The following ASH1L variants were observed in gnomAD, a reference collection of about 807,000 sequenced individuals.
ASH1L encodes the protein ASH1 like histone lysine methyltransferase, also known as histone-lysine N-methyltransferase ASH1L.
ASH1L carries 23 observed loss-of-function variants against 269.0 expected under a neutral mutation model. That is an observed-to-expected ratio of 0.09 (90% CI 0.06 to 0.12). The LOEUF is 0.12. Ranked by LOEUF, ASH1L falls within the 10% of genes least tolerant of loss-of-function variation. The probability of loss-of-function intolerance (pLI) is 1.00; values close to 1 mark genes in which losing one functional copy is unlikely to be tolerated. For missense variants in ASH1L, 2,912 were observed against 3,567.8 expected, an observed-to-expected ratio of 0.82 and a Z score of 4.68; for synonymous variants, 1,187 against 1,253.5, an observed-to-expected ratio of 0.95 and a Z score of 1.12.
chr1:155,424,230 G>C (rs987686268), intron 5 of ASH1L, among the ~76,000 whole-genome samples: 2 of 152,112 alleles, frequency 1.3e-5, no homozygotes, highest in African/African-American at 4.8e-5. Flanking sequence ...GAGAAATAAA[G>C]AACTTCAAGA....
intron 7 of ASH1L, among the ~76,000 whole-genome samples, chr1:155,380,613 T>C (rs1324282155): frequency 6.6e-6 from 1 of 152,052 alleles, no homozygotes; most frequent in African/African-American, 2.4e-5. Flanking sequence ...ATAAAATTAT[T>C]CAGCCTTAAA....
At chr1:155,363,002 A>G (rs1655096494) in intron 12 of ASH1L, among the ~76,000 whole-genome samples, 1 of 152,010 alleles carries the variant, frequency 6.6e-6, no homozygotes. Context: ...TTATTTTTTG[A>G]AATGGAGTTT....
At chr1:155,398,480 AAGAT>A (rs1246689754) in intron 6 of ASH1L, among the ~76,000 whole-genome samples, 2 of 152,174 alleles carry the variant, frequency 1.3e-5, no homozygotes, top group Non-Finnish European at 2.9e-5. Context: ...AAACATAAGA[AAGAT>A]AGAGTAAAAA....
chr1:155,442,157 A>C (rs1662634866), intron 4 of ASH1L, among the ~76,000 whole-genome samples: 1 of 152,140 alleles, frequency 6.6e-6, no homozygotes, highest in Non-Finnish European at 1.5e-5. Flanking sequence ...ATGATAACTG[A>C]TTATTACTGT....
In ASH1L at chr1:155,427,124, CTGATA is replaced by C. The variant is rs1284979436; in HGVS notation, c.5828+11198_5828+11202del. Among the ~76,000 whole-genome samples the C allele has an allele frequency of 7.1e-5, 10 of 141,776 alleles. No individual in the cohort carries two copies. The East Asian group carries it at 1.5e-3, about 21-fold the overall frequency. The allele number at this position is 141,776 out of a possible 152,430, so 93.0% of individuals were successfully genotyped here. A position where few individuals can be genotyped will look rare whatever the true frequency, so the allele number is the denominator to read the frequency against. ...GTAATTACCTTTCCAGGTATATACTCTGATATAATTTTTTTTTTTTTTTTTTTTGA... is the reference window on the plus strand; with the variant it reads ...GTAATTACCTTTCCAGGTATATACTCTAATTTTTTTTTTTTTTTTTTTTGA... On this transcript the variant is annotated intron_variant, in intron 5 of 27. Coordinates refer to ENST00000392403, the MANE Select transcript of ASH1L (RefSeq NM_018489.3).
intron 2 of ASH1L, among the ~76,000 whole-genome samples, chr1:155,483,644 T>G (rs1666107986): frequency 6.6e-6 from 1 of 151,594 alleles, no homozygotes; most frequent in African/African-American, 2.4e-5. Context: ...ACTTTGAGGG[T>G]CTACCCAAGA....
In ASH1L at chr1:155,557,522, C is replaced by T. The variant is rs548059295; in HGVS notation, c.-100+4631G>A. On this transcript the variant is annotated intron_variant, in intron 1 of 27. Transcript: ENST00000392403. ...GTCTCGTTCTCCTGACCTTGTGATC[C>T]GCCCACCTCGGCCTCCCAAAGTGCT... Among the ~76,000 whole-genome samples, 10 of 151,870 alleles carry T rather than the reference C, an allele frequency of 6.6e-5. No individual in the cohort carries two copies. In the East Asian group the frequency reaches 9.7e-4, roughly 15 times the overall value.
chr1:155,522,128 C>T (rs539246316), intron 1 of ASH1L, among the ~76,000 whole-genome samples: 1 of 152,262 alleles, frequency 6.6e-6, no homozygotes, highest in South Asian at 2.1e-4. Flanking sequence ...ACGCTATGTA[C>T]CTATAAAAAT....
chr1:155,489,582 C>A (rs1005486749), intron 2 of ASH1L, among the ~76,000 whole-genome samples: 8 of 151,164 alleles, frequency 5.3e-5, no homozygotes, highest in African/African-American at 1.7e-4. Context: ...CACAGTGAAA[C>A]CCCGTCTTTA....
chr1:155,344,886 C>T (rs962062786), intron 21 of ASH1L, among the ~76,000 whole-genome samples: 4 of 152,106 alleles, frequency 2.6e-5, no homozygotes, highest in Non-Finnish European at 5.9e-5. Flanking sequence ...ACATAAATGA[C>T]GTTAAGGGTA....
At chr1:155,351,850 CAAA>C (rs1206899040) in intron 17 of ASH1L, among the ~76,000 whole-genome samples, 2 of 124,638 alleles carry the variant, frequency 1.6e-5, no homozygotes. Flanking sequence ...GACTTTGTCT[CAAA>C]AAAAAAAAAG....
intron 17 of ASH1L, among the ~76,000 whole-genome samples, chr1:155,352,502 G>T (rs2148353688): frequency 6.6e-6 from 1 of 151,246 alleles, no homozygotes; most frequent in East Asian, 2.0e-4. Context: ...GACAGAAAAA[G>T]AAATGAAAAA....
intron 1 of ASH1L, among the ~76,000 whole-genome samples, chr1:155,554,980 T>C (rs1307098825): frequency 6.6e-6 from 1 of 151,074 alleles, no homozygotes; most frequent in Non-Finnish European, 1.5e-5. Flanking sequence ...CCATCTCTAC[T>C]AAAAATACAA....
rs113993237 is a variant in ASH1L at position 155,523,860 on chromosome 1, G to GA, written c.-99-2243dup. On this transcript the variant is annotated intron_variant, in intron 1 of 27. Transcript: ENST00000392403. ...CACTCCAGGCCAGGTGACAGAGCAA[G>GA]AAAAAAAAAGGTGCCAATAATTTAG... 7.3e-3 allele frequency among the ~76,000 whole-genome samples: 1,100 copies of GA among 150,372 alleles called. 10 individuals carry two copies. Among genetic ancestry groups the GA allele is most frequent in the African/African-American group, 0.025 (1,030 of 41,072 alleles).
intron 16 of ASH1L, 150 bp from the exon 17 acceptor site, chr1:155,353,008 G>A: frequency 1.5e-6 from 1 of 688,754 alleles, no homozygotes; most frequent in Non-Finnish European, 2.3e-6. Context: ...CTTCTGTAAT[G>A]AAAAATCAGG....
intron 7 of ASH1L, among the ~76,000 whole-genome samples, chr1:155,380,751 T>G (rs1209107104): frequency 6.6e-6 from 1 of 151,696 alleles, no homozygotes; most frequent in African/African-American, 2.4e-5. Context: ...CTGCCTCAGC[T>G]TCTTGAGTAG....
chr1:155,376,920 G>T (rs986477396), intron 10 of ASH1L, among the ~76,000 whole-genome samples: 1 of 149,644 alleles, frequency 6.7e-6, no homozygotes, highest in Non-Finnish European at 1.5e-5. Context: ...TTTTTTTTTG[G>T]GGGGGAGATG....
chr1:155,498,236 A>T (rs1480440249), intron 2 of ASH1L, among the ~76,000 whole-genome samples: 1 of 152,032 alleles, frequency 6.6e-6, no homozygotes, highest in Admixed American at 6.6e-5. Flanking sequence ...AGGAGGGGTA[A>T]CAGGGGAGTC....
In ASH1L at chr1:155,438,581, A is replaced by G; in HGVS notation, c.5574T>C (p.Leu1858=). Residue 1858 remains leucine (L), a synonymous_variant, in exon 5 of 28, where the codon CTT becomes CTC. Coordinates refer to ENST00000392403, the MANE Select transcript of ASH1L (RefSeq NM_018489.3). ...ATGCTTGCATTGATACGACAGCCTG[A>G]AGGGGACATTTCCGAGGTCGACCTG... ...RRPGRPRKCP[L]QAVVSMQAFQ... is the part of the protein sequence containing the mutation. The G allele has an allele frequency of 3.1e-6, 5 of 1,614,180 alleles. No homozygotes were observed. The highest frequency in any genetic ancestry group is 4.2e-6 in the Non-Finnish European group (5 of 1,180,016).
Sources: gnomAD v4.1 joint callset for allele counts (sites outside exome capture counted in the v4.1 genomes callset) on GRCh38, gnomAD v4.1.1 for gene constraint, MANE v1.5 for transcripts, NCBI Gene and HGNC (gene_info 2026-07-23, HGNC 2026-07-21) for gene names.